PRR16: variants seen among roughly 807,000 people sequenced by gnomAD.
The protein encoded by PRR16 is proline rich 16.
In PRR16, 6 loss-of-function variants were observed where a neutral mutation model predicts 18.2. The ratio of observed to expected loss-of-function variants is 0.33; its 90% CI spans 0.18 to 0.65. The LOEUF (loss-of-function observed/expected upper bound fraction) is 0.65, where lower values mean the gene tolerates loss of function less well. PRR16 is among the 30% of genes least tolerant of loss of function. The probability of loss-of-function intolerance (pLI) is 0.74; values close to 1 mark genes in which losing one functional copy is unlikely to be tolerated. For missense variants in PRR16, 412 were observed against 376.6 expected (o/e 1.09, Z -0.78); for synonymous variants, 151 against 147.8 (o/e 1.02, Z -0.16).
At chr5:120,780,107 G>C in the PRR16 span, among the ~76,000 whole-genome samples, 1 of 148,624 alleles carries the variant, frequency 6.7e-6, no homozygotes, top group African/African-American at 2.6e-5. Flanking sequence ...AAGGAAAACT[G>C]AGTCTCAAAA....
intron 1 of PRR16, among the ~76,000 whole-genome samples, chr5:120,587,533 C>T (rs1458786143): frequency 6.6e-6 from 1 of 152,180 alleles, no homozygotes; most frequent in African/African-American, 2.4e-5. Flanking sequence ...AAGAATGATG[C>T]TAAATCTACT....
At chr5:120,515,179 T>C (rs886953609) in intron 1 of PRR16, among the ~76,000 whole-genome samples, 28 of 152,098 alleles carry the variant, frequency 1.8e-4, no homozygotes, top group Non-Finnish European at 1.5e-4. Context: ...AGAGAACACA[T>C]AAGGGAGCAA....
chr5:120,754,490 G>C, the PRR16 span, among the ~76,000 whole-genome samples: 3 of 63,768 alleles, frequency 4.7e-5, no homozygotes, highest in South Asian at 1.1e-3. Flanking sequence ...ATAATATATA[G>C]TATGTATTTT....
At chr5:120,527,477 A>C (rs2112661009) in intron 1 of PRR16, among the ~76,000 whole-genome samples, 1 of 152,338 alleles carries the variant, frequency 6.6e-6, no homozygotes, top group South Asian at 2.1e-4. Context: ...GGATTAAGAA[A>C]GCAGGAGAGC....
At chr5:120,667,497 C>G (rs1032053998) in intron 1 of PRR16, among the ~76,000 whole-genome samples, 2 of 151,572 alleles carry the variant, frequency 1.3e-5, no homozygotes, top group African/African-American at 4.8e-5. Flanking sequence ...CTTCTGCTAG[C>G]TTTTGAATGT....
At chr5:120,723,052 T>C in the PRR16 span, among the ~76,000 whole-genome samples, 1 of 151,854 alleles carries the variant, frequency 6.6e-6, no homozygotes, top group Non-Finnish European at 1.5e-5. Context: ...AAGTAAAAAA[T>C]TGGATACAAT....
chr5:120,612,377 A>G lies in PRR16; in HGVS notation c.160-73577A>G, dbSNP rs554180506. 2.0e-5 allele frequency among the ~76,000 whole-genome samples: 3 copies of G among 152,222 alleles called. No individual in the cohort carries two copies. In the East Asian group the frequency reaches 5.8e-4, roughly 29 times the overall value. On this transcript the variant is annotated intron_variant, in intron 1 of 1. Transcript: ENST00000407149. ...ATTTGGAGGGGCCAGGGGTGGAATG[A>G]TATGGTTTAGCTGTGTTCTGCCCAC... is the stretch of plus-strand genomic sequence containing the variant.
chr5:120,523,867 G>A (rs1318250866), intron 1 of PRR16, among the ~76,000 whole-genome samples: 1 of 151,998 alleles, frequency 6.6e-6, no homozygotes, highest in Non-Finnish European at 1.5e-5. Flanking sequence ...TAAAAGTGGG[G>A]CAAAGAAGAA....
the PRR16 span, among the ~76,000 whole-genome samples, chr5:120,754,208 TTA>T: frequency 1.3e-5 from 1 of 77,122 alleles, no homozygotes; most frequent in South Asian, 4.1e-4. Flanking sequence ...ATATTATAAA[TTA>T]TATATTATAA....
chr5:120,656,535 A>G (rs892210799), intron 1 of PRR16, among the ~76,000 whole-genome samples: 3 of 151,680 alleles, frequency 2.0e-5, no homozygotes, highest in East Asian at 3.9e-4. Context: ...AAAAATCGTT[A>G]TAAGTATGAT....
chr5:120,742,010 TTC>T, the PRR16 span, among the ~76,000 whole-genome samples: 3 of 152,276 alleles, frequency 2.0e-5, no homozygotes, highest in Admixed American at 6.5e-5. Context: ...CAAAAGCATT[TTC>T]TGTGTCTATT....
rs145793797 is a variant in PRR16, at chr5:120,671,890, A to G, written c.160-14064A>G. Among the ~76,000 whole-genome samples the G allele has an allele frequency of 2.1e-4, 32 of 152,340 alleles. No homozygotes were observed. In the East Asian group the frequency reaches 5.6e-3, roughly 27 times the overall value. On this transcript the variant is annotated intron_variant, in intron 1 of 1. Transcript: ENST00000407149. ...TTTACCACCCAGATTTATTACTTCA[A>G]AAGTTTATAATCAAGCACAAAATGT...
chr5:120,491,275 C>T (rs900525617), intron 1 of PRR16, among the ~76,000 whole-genome samples: 3 of 152,088 alleles, frequency 2.0e-5, no homozygotes, highest in Admixed American at 6.6e-5. Flanking sequence ...TGGAAAATAA[C>T]TCGGCCTTGA....
intron 1 of PRR16, among the ~76,000 whole-genome samples, chr5:120,559,117 C>A (rs779205128): frequency 3.7e-4 from 56 of 151,800 alleles, no homozygotes; most frequent in Non-Finnish European, 6.8e-4. Flanking sequence ...TTGATTGTTT[C>A]TTTTGCAGTG....
At chr5:120,509,626 A>G (rs1750756528) in intron 1 of PRR16, among the ~76,000 whole-genome samples, 1 of 152,026 alleles carries the variant, frequency 6.6e-6, no homozygotes, top group Non-Finnish European at 1.5e-5. Context: ...TGAGAAGAGG[A>G]GCTATAAATT....
At chr5:120,502,972 C>T (rs1750515069) in intron 1 of PRR16, among the ~76,000 whole-genome samples, 1 of 152,120 alleles carries the variant, frequency 6.6e-6, no homozygotes, top group African/African-American at 2.4e-5. Flanking sequence ...CCTATTCTTT[C>T]ACCTAAAAAA....
chr5:120,665,444 A>G (rs1756336507), intron 1 of PRR16, among the ~76,000 whole-genome samples: 1 of 152,030 alleles, frequency 6.6e-6, no homozygotes, highest in South Asian at 2.1e-4. Context: ...TTTGCTGTGC[A>G]GAAGCTCTTT....
At chr5:120,636,835 C>A (rs1449048774) in intron 1 of PRR16, among the ~76,000 whole-genome samples, 1 of 151,994 alleles carries the variant, frequency 6.6e-6, no homozygotes, top group East Asian at 1.9e-4. Flanking sequence ...TAATAATAAT[C>A]AGCAGAGTCA....
intron 1 of PRR16, among the ~76,000 whole-genome samples, chr5:120,596,322 G>A (rs1449165): frequency 6.6e-6 from 1 of 151,198 alleles, no homozygotes; most frequent in Non-Finnish European, 1.5e-5. Context: ...CAGTCCCCAG[G>A]GTGAAGTTAA....
Sources: gnomAD v4.1 joint callset for allele counts (sites outside exome capture counted in the v4.1 genomes callset) on GRCh38, gnomAD v4.1.1 for gene constraint, MANE v1.5 for transcripts, NCBI Gene and HGNC (gene_info 2026-07-23, HGNC 2026-07-21) for gene names.